Variants in SLIT3 observed in about 807,000 individuals in gnomAD.
SLIT3 encodes slit homolog 3 protein.
SLIT3 carries 68 observed loss-of-function variants against 184.0 expected under a neutral mutation model. That is an observed-to-expected ratio of 0.37 (90% CI 0.30 to 0.45). SLIT3 has a LOEUF of 0.45. Among genes scored for constraint, SLIT3 ranks in the 20% least tolerant of loss-of-function variants. The probability of loss-of-function intolerance (pLI) is 1.00; values close to 1 mark genes in which losing one functional copy is unlikely to be tolerated. For missense variants in SLIT3, 1,707 were observed against 2,026.0 expected, an observed-to-expected ratio of 0.84 and a Z score of 3.02; for synonymous variants, 831 against 828.6, an observed-to-expected ratio of 1.00 and a Z score of -0.05.
At chr5:169,268,568 G>C (rs1561777863) in intron 1 of SLIT3, among the ~76,000 whole-genome samples, 2 of 152,172 alleles carry the variant, frequency 1.3e-5, no homozygotes, top group African/African-American at 4.8e-5. Context: ...CCACAGAGCA[G>C]ACACAGCCCC....
intron 2 of SLIT3, among the ~76,000 whole-genome samples, chr5:169,246,169 C>T (rs1186090467): frequency 6.6e-6 from 1 of 152,182 alleles, no homozygotes; most frequent in African/African-American, 2.4e-5. Flanking sequence ...TTTGACAAAT[C>T]AGCTCTCACA....
At chr5:168,915,221 G>C (rs914331933) in intron 4 of SLIT3, among the ~76,000 whole-genome samples, 4 of 152,102 alleles carry the variant, frequency 2.6e-5, no homozygotes, top group African/African-American at 9.7e-5. Flanking sequence ...ATATTTAAAC[G>C]AAGTGTGGAA....
At chr5:168,879,112 T>C (rs1303378097) in intron 5 of SLIT3, among the ~76,000 whole-genome samples, 1 of 152,258 alleles carries the variant, frequency 6.6e-6, no homozygotes, top group Non-Finnish European at 1.5e-5. Context: ...TTTTTTATTT[T>C]CTCCGTGTAG....
intron 8 of SLIT3, among the ~76,000 whole-genome samples, chr5:168,809,508 G>A (rs148741001): frequency 3.7e-4 from 57 of 152,260 alleles, no homozygotes; most frequent in Non-Finnish European, 7.1e-4. Context: ...AGATGGGTTC[G>A]TTTTCCCTAG....
chr5:168,853,178 A>G (rs986887726), intron 5 of SLIT3, among the ~76,000 whole-genome samples: 1 of 152,214 alleles, frequency 6.6e-6, no homozygotes, highest in Non-Finnish European at 1.5e-5. Flanking sequence ...TCAGACTCAC[A>G]TGCTTTTTGT....
At chr5:169,146,885 T>C in intron 4 of SLIT3, among the ~76,000 whole-genome samples, 1 of 152,226 alleles carries the variant, frequency 6.6e-6, no homozygotes, top group Non-Finnish European at 1.5e-5. Flanking sequence ...CTGTGTGAAC[T>C]TGGACAAGTT....
intron 4 of SLIT3, among the ~76,000 whole-genome samples, chr5:169,067,740 C>T (rs1438011557): frequency 1.3e-5 from 2 of 152,166 alleles, no homozygotes; most frequent in African/African-American, 4.8e-5. Flanking sequence ...CCACACAGAG[C>T]ATCAAGACAC....
In SLIT3 at chr5:168,666,304, G is replaced by GTTTA. The variant is rs531711176; in HGVS notation, c.*146_*149dup. On this transcript the variant is annotated 3_prime_UTR_variant, in exon 36 of 36. Coordinates refer to ENST00000519560, the MANE Select transcript of SLIT3 (RefSeq NM_003062.4). ...ATAATAAAAATAAGTTCTATTTTTT[G>GTTTA]TTTATTTTACAATATACTTAATATT... 3.6e-5 allele frequency: 24 copies of GTTTA among 672,084 alleles called. No homozygotes were observed. 41.6% of individuals were successfully genotyped at this position (672,084 alleles called of 1,614,324 possible).
intron 3 of SLIT3, among the ~76,000 whole-genome samples, chr5:169,211,171 C>T (rs146187951): frequency 1.4e-3 from 212 of 152,264 alleles, no homozygotes; most frequent in African/African-American, 4.8e-3. Flanking sequence ...ACCCAGCCAA[C>T]CCATGACCCA....
chr5:168,838,385 T>C (rs901488382), intron 6 of SLIT3, among the ~76,000 whole-genome samples: 2 of 152,132 alleles, frequency 1.3e-5, no homozygotes, highest in African/African-American at 4.8e-5. Context: ...CTTATCACAG[T>C]ACCTAAAGAT....
intron 8 of SLIT3, among the ~76,000 whole-genome samples, chr5:168,814,865 T>C (rs1406893881): frequency 6.6e-6 from 1 of 152,198 alleles, no homozygotes; most frequent in Non-Finnish European, 1.5e-5. Flanking sequence ...TTCATGGATG[T>C]TCACTGCACC....
chr5:168,929,232 A>T (rs947621828), intron 4 of SLIT3, among the ~76,000 whole-genome samples: 24 of 152,178 alleles, frequency 1.6e-4, no homozygotes, highest in African/African-American at 5.8e-4. Flanking sequence ...TTTTACCCCC[A>T]AGTGTGGAAA....
chr5:169,089,038 AAAAAAAAAAAAAAAAAAG>A (rs1759456348), intron 4 of SLIT3, among the ~76,000 whole-genome samples: 1 of 141,190 alleles, frequency 7.1e-6, no homozygotes, highest in South Asian at 2.3e-4. Flanking sequence ...AAAAAAAAAA[AAAAAAAAAAAAAAAAAAG>A]AAGTGCTGAC....
At chr5:168,830,088 A>G (rs1657155156) in intron 6 of SLIT3, among the ~76,000 whole-genome samples, 1 of 152,010 alleles carries the variant, frequency 6.6e-6, no homozygotes, top group Admixed American at 6.6e-5. Flanking sequence ...GCCCTACGAC[A>G]CTCAGGTCCT....
chr5:169,063,100 G>A (rs376048551), intron 4 of SLIT3, among the ~76,000 whole-genome samples: 10 of 152,280 alleles, frequency 6.6e-5, no homozygotes, highest in African/African-American at 2.4e-4. Flanking sequence ...GGATAAATTA[G>A]CACATTGTCA....
At chr5:168,823,383 C>G (rs1310780975) in intron 6 of SLIT3, 52 bp from the exon 7 acceptor site, 7 of 1,341,730 alleles carry the variant, frequency 5.2e-6, no homozygotes, top group Non-Finnish European at 7.5e-6. Flanking sequence ...AGGGGAGGCA[C>G]CAAGATGCTT....
intron 4 of SLIT3, among the ~76,000 whole-genome samples, chr5:169,084,130 A>T (rs1192627799): frequency 6.6e-6 from 1 of 151,598 alleles, no homozygotes; most frequent in East Asian, 1.9e-4. Context: ...GATATTAGAG[A>T]CTCCTAGACA....
chr5:169,081,028 GC>G (rs888894745), intron 4 of SLIT3, among the ~76,000 whole-genome samples: 10 of 152,104 alleles, frequency 6.6e-5, no homozygotes, highest in African/African-American at 2.2e-4. Flanking sequence ...GGCTGCCCCC[GC>G]CCCCCTTCCC....
chr5:168,693,561 C>T (rs1441090651), intron 28 of SLIT3, among the ~76,000 whole-genome samples: 7 of 152,124 alleles, frequency 4.6e-5, no homozygotes, highest in East Asian at 3.9e-4. Context: ...TTTTAAGATC[C>T]GAGTTTTGGG....
Sources: allele counts gnomAD v4.1 joint callset (sites outside exome capture counted in the v4.1 genomes callset), GRCh38; gene constraint gnomAD v4.1.1; transcripts MANE v1.5; gene names NCBI Gene and HGNC (gene_info 2026-07-23, HGNC 2026-07-21).